PLCB1: variants seen among roughly 807,000 people sequenced by gnomAD.
The protein encoded by PLCB1 is 1-phosphatidylinositol 4,5-bisphosphate phosphodiesterase beta-1.
A neutral mutation model predicts 161.8 loss-of-function variants in PLCB1; 46 were observed. The observed-to-expected ratio is 0.28, with a 90% CI of 0.22 to 0.36. The LOEUF is 0.36. Among genes scored for constraint, PLCB1 ranks in the 10% least tolerant of loss-of-function variants. The pLI is 1.00. For missense variants in PLCB1, 1,016 were observed against 1,472.5 expected (o/e 0.69, Z 5.07); for synonymous variants, 517 against 503.7 (o/e 1.03, Z -0.35).
intron 3 of PLCB1, among the ~76,000 whole-genome samples, chr20:8,577,859 G>A (rs1251750566): frequency 1.3e-5 from 2 of 151,946 alleles, no homozygotes; most frequent in African/African-American, 2.4e-5. Flanking sequence ...TCCCATATTA[G>A]GTTTTCTTCT....
At chr20:8,263,985 A>G (rs920725953) in intron 2 of PLCB1, among the ~76,000 whole-genome samples, 4 of 152,182 alleles carry the variant, frequency 2.6e-5, no homozygotes, top group Non-Finnish European at 4.4e-5. Flanking sequence ...TATCCACCTT[A>G]GCTACTTTAA....
At chr20:8,138,838 T>C in intron 1 of PLCB1, among the ~76,000 whole-genome samples, 1 of 152,180 alleles carries the variant, frequency 6.6e-6, no homozygotes, top group Non-Finnish European at 1.5e-5. Flanking sequence ...TCGATTTTAT[T>C]ATCATTACCA....
At chr20:8,655,555 G>A (rs531471312) in intron 7 of PLCB1, among the ~76,000 whole-genome samples, 78 of 152,166 alleles carry the variant, frequency 5.1e-4, no homozygotes, top group African/African-American at 1.8e-3. Context: ...TCCAGAAAAA[G>A]AAGTTATAAA....
At position 8,843,795 on chromosome 20, in the gene PLCB1, A is replaced by C. The variant is rs138497557; in HGVS notation, c.3424-37827A>C. 2.8e-3 allele frequency among the ~76,000 whole-genome samples: 426 copies of C among 152,312 alleles called. 3 individuals are homozygous for C. Among genetic ancestry groups the C allele is most frequent in the African/African-American group, 9.1e-3 (380 of 41,564 alleles). On this transcript the variant is annotated intron_variant, in intron 31 of 31. Transcript: ENST00000338037. ...CCTCACTTAACACTTTGATACAGGA[A>C]TCCAAAACTCTGATCTTAAGTTTGG... is the stretch of plus-strand genomic sequence containing the variant.
chr20:8,384,623 G>C (rs1482023489), intron 3 of PLCB1, among the ~76,000 whole-genome samples: 1 of 152,056 alleles, frequency 6.6e-6, no homozygotes, highest in African/African-American at 2.4e-5. Flanking sequence ...TGGGTTTTCA[G>C]TGTTTTTTTG....
chr20:8,808,758 C>T (rs1338527509), intron 31 of PLCB1, among the ~76,000 whole-genome samples: 2 of 152,120 alleles, frequency 1.3e-5, no homozygotes, highest in African/African-American at 4.8e-5. Context: ...ATTGCTTAAG[C>T]AAATATTAAT....
intron 31 of PLCB1, among the ~76,000 whole-genome samples, chr20:8,842,781 C>A (rs1473664410): frequency 6.6e-6 from 1 of 152,168 alleles, no homozygotes; most frequent in Non-Finnish European, 1.5e-5. Flanking sequence ...TTTCACGATA[C>A]TTTTCCATAC....
chr20:8,643,922 GTGCCTGCGATTGC>G, intron 4 of PLCB1, among the ~76,000 whole-genome samples: 1 of 152,180 alleles, frequency 6.6e-6, no homozygotes. Flanking sequence ...AGCCTGCCCA[GTGCCTGCGATTGC>G]AGGCGCGCGC....
intron 12 of PLCB1, among the ~76,000 whole-genome samples, chr20:8,711,687 G>A (rs1437643203): frequency 6.6e-6 from 1 of 152,068 alleles, no homozygotes; most frequent in East Asian, 1.9e-4. Flanking sequence ...TTCTTTCCTG[G>A]GAGGCTAGCA....
At chr20:8,486,480 TA>T (rs1307625493) in intron 3 of PLCB1, among the ~76,000 whole-genome samples, 23 of 93,368 alleles carry the variant, frequency 2.5e-4, no homozygotes, top group African/African-American at 7.4e-4. Context: ...TATTCCAAAA[TA>T]TTTTTTTTTT....
At chr20:8,697,551 G>A in intron 10 of PLCB1, 75 bp from the exon 11 acceptor site, 1 of 1,444,510 alleles carries the variant, frequency 6.9e-7, no homozygotes, top group African/African-American at 1.4e-5. Flanking sequence ...TGTTATTGAG[G>A]AGCCTTTCTA....
chr20:8,492,786 T>C (rs1464675511), intron 3 of PLCB1, among the ~76,000 whole-genome samples: 1 of 151,958 alleles, frequency 6.6e-6, no homozygotes, highest in African/African-American at 2.4e-5. Flanking sequence ...GATTTAGTTA[T>C]GAACTGGTAA....
chr20:8,612,599 A>G (rs752758154), intron 3 of PLCB1, among the ~76,000 whole-genome samples: 1 of 152,196 alleles, frequency 6.6e-6, no homozygotes, highest in African/African-American at 2.4e-5. Flanking sequence ...ACTAAACCCC[A>G]TAGATCTGTA....
At chr20:8,431,284 T>C (rs1402513355) in intron 3 of PLCB1, among the ~76,000 whole-genome samples, 2 of 152,212 alleles carry the variant, frequency 1.3e-5, no homozygotes, top group African/African-American at 4.8e-5. Flanking sequence ...CACTGTTGCC[T>C]GTTGGACACA....
chr20:8,632,713 C>T (rs1425797997), intron 4 of PLCB1, among the ~76,000 whole-genome samples: 5 of 152,064 alleles, frequency 3.3e-5, no homozygotes, highest in Non-Finnish European at 5.9e-5. Context: ...ACAGCAGGTG[C>T]AAAAGCCCTG....
intron 2 of PLCB1, among the ~76,000 whole-genome samples, chr20:8,182,706 G>T (rs1359946044): frequency 1.3e-5 from 2 of 151,032 alleles, no homozygotes; most frequent in African/African-American, 2.4e-5. Flanking sequence ...TCAGCCTCCT[G>T]TGTAGCTGGG....
At chr20:8,628,085 G>A (rs1988412529) in intron 3 of PLCB1, among the ~76,000 whole-genome samples, 1 of 152,142 alleles carries the variant, frequency 6.6e-6, no homozygotes. Context: ...ATAGTCTTGA[G>A]CCAGAAATTG....
intron 31 of PLCB1, among the ~76,000 whole-genome samples, chr20:8,828,991 T>C (rs1257923845): frequency 6.6e-6 from 1 of 152,204 alleles, no homozygotes; most frequent in Admixed American, 6.5e-5. Context: ...TTGATGCCTG[T>C]AACTTCCTTT....
intron 31 of PLCB1, among the ~76,000 whole-genome samples, chr20:8,818,384 C>T (rs1457849468): frequency 6.6e-6 from 1 of 152,150 alleles, no homozygotes; most frequent in Non-Finnish European, 1.5e-5. Flanking sequence ...TAAAGGAAAT[C>T]ATATCTCCAT....
Sources: allele counts gnomAD v4.1 joint callset (sites outside exome capture counted in the v4.1 genomes callset), GRCh38; gene constraint gnomAD v4.1.1; transcripts MANE v1.5; gene names NCBI Gene and HGNC (gene_info 2026-07-23, HGNC 2026-07-21).